Variants in PHTF1 observed in about 807,000 individuals in gnomAD.
PHTF1 encodes protein PHTF1.
PHTF1 carries 88 observed loss-of-function variants against 102.4 expected under a neutral mutation model. That is an observed-to-expected ratio of 0.86 (90% CI 0.72 to 1.03). PHTF1 has a LOEUF of 1.03. PHTF1 is among the 50% of genes least tolerant of loss of function. PHTF1 has a pLI of 0.00. For synonymous variants in PHTF1, 289 were observed against 305.2 expected (o/e 0.95, Z 0.55); for missense variants, 814 against 909.5 (o/e 0.89, Z 1.35).
intron 3 of PHTF1, among the ~76,000 whole-genome samples, chr1:113,751,307 G>A (rs543622370): frequency 1.4e-4 from 22 of 152,166 alleles, no homozygotes; most frequent in African/African-American, 5.1e-4. Flanking sequence ...TAGTAAATTT[G>A]TAGAGTTGTG....
Position 113,704,227 on chromosome 1 carries a change from C to A in PHTF1, c.1804-60G>T, listed in dbSNP as rs1373488406. On this transcript the variant is annotated intron_variant, in intron 14 of 18. Coordinates refer to ENST00000369604, the MANE Select transcript of PHTF1 (RefSeq NM_001323043.2). ...TACTGGCAGACAGCAACCGCCCTCA[C>A]ATTATTAACACTCTGAATTGTACTA... is the stretch of plus-strand genomic sequence containing the variant. The A allele has an allele frequency of 7.7e-6, 7 of 908,274 alleles. No homozygotes were observed. The African/African-American group carries it at 1.2e-4, about 15-fold the overall frequency. The allele number at this position is 908,274 out of a possible 1,614,324, so 56.3% of individuals were successfully genotyped here.
chr1:113,703,511 GT>G (rs528743503), intron 15 of PHTF1, among the ~76,000 whole-genome samples: 1 of 151,708 alleles, frequency 6.6e-6, no homozygotes, highest in Non-Finnish European at 1.5e-5. Flanking sequence ...ATAGTAACAG[GT>G]TTTTTTTGTT....
chr1:113,698,305 G>C lies in PHTF1; in HGVS notation c.2225C>G (p.Ala742Gly). ...AAGATCACTTATAACACCTGAGACAGCAGAAAGGATAACTACTCTTGTGAT... is the reference window on the plus strand; with the variant it reads ...AAGATCACTTATAACACCTGAGACACCAGAAAGGATAACTACTCTTGTGAT... ...YNITRVVILS[A>G]VSGVISDLLG... Residue 742 changes from alanine to glycine, a missense_variant, in exon 18 of 19, where the codon GCT (alanine) becomes GGT (glycine). Physicochemically the swap from Ala to Gly is moderately conservative, Grantham distance 60. Transcript: ENST00000369604. 1 of 1,607,328 alleles carries C rather than the reference G, an allele frequency of 6.2e-7. No individual in the cohort carries two copies. Among genetic ancestry groups the C allele is most frequent in the East Asian group, 2.2e-5 (1 of 44,796 alleles).
At chr1:113,739,353 G>C (rs569524307) in intron 3 of PHTF1, among the ~76,000 whole-genome samples, 2 of 152,236 alleles carry the variant, frequency 1.3e-5, no homozygotes, top group East Asian at 3.9e-4. Context: ...AGTGCCAACA[G>C]ATCAATACGT....
chr1:113,705,528 A>T (rs138397509), intron 13 of PHTF1, among the ~76,000 whole-genome samples: 40 of 152,308 alleles, frequency 2.6e-4, no homozygotes, highest in Non-Finnish European at 4.7e-4. Context: ...AATTTCAATA[A>T]ATTTATTTCT....
At chr1:113,735,211 C>CA (rs1225888827) in intron 5 of PHTF1, among the ~76,000 whole-genome samples, 3 of 151,310 alleles carry the variant, frequency 2.0e-5, no homozygotes, top group Admixed American at 6.6e-5. Flanking sequence ...ACTAAAAATA[C>CA]AAAAATTAGC....
At chr1:113,707,002 G>A (rs181255419) in intron 11 of PHTF1, among the ~76,000 whole-genome samples, 31 of 151,696 alleles carry the variant, frequency 2.0e-4, no homozygotes, top group African/African-American at 6.8e-4. Flanking sequence ...ACCATGGCTC[G>A]CTAGGTCCAT....
intron 8 of PHTF1, 149 bp from the exon 9 acceptor site, chr1:113,712,262 TC>T: frequency 1.6e-6 from 1 of 607,014 alleles, no homozygotes; most frequent in Non-Finnish European, 2.9e-6. Flanking sequence ...TATTACTTAA[TC>T]TCAATTAAGA....
chr1:113,758,633 A>T (rs2101759210), intron 2 of PHTF1, 26 bp downstream of exon 2: 5 of 1,397,196 alleles, frequency 3.6e-6, no homozygotes, highest in Admixed American at 4.2e-5. Flanking sequence ...TGCTTTACAA[A>T]TAAAAAAAAT....
chr1:113,751,494 A>G (rs1363824568), intron 3 of PHTF1, among the ~76,000 whole-genome samples: 1 of 152,206 alleles, frequency 6.6e-6, no homozygotes, highest in Non-Finnish European at 1.5e-5. Context: ...TGTACTTAGC[A>G]TGACATTTTT....
At chr1:113,708,511 T>A (rs1367233841) in intron 11 of PHTF1, among the ~76,000 whole-genome samples, 1 of 152,064 alleles carries the variant, frequency 6.6e-6, no homozygotes, top group Non-Finnish European at 1.5e-5. Flanking sequence ...CAGGCACCTG[T>A]AATCCTAGCT....
At chr1:113,703,137 C>CA (rs1457809085) in intron 15 of PHTF1, among the ~76,000 whole-genome samples, 2 of 152,074 alleles carry the variant, frequency 1.3e-5, no homozygotes, top group Non-Finnish European at 2.9e-5. Context: ...ATAAGCAGAC[C>CA]AAAAAATTCA....
chr1:113,716,486 A>G lies in PHTF1; in HGVS notation c.624-3048T>C, dbSNP rs536233399. On this transcript the variant is annotated intron_variant, in intron 7 of 18. Coordinates refer to ENST00000369604, the MANE Select transcript of PHTF1 (RefSeq NM_001323043.2). ...CAACCTCCAGCATAGCTGGAACCAC[A>G]GGCACAGGTCACCACATCCAGCTGA... 7.5e-4 allele frequency among the ~76,000 whole-genome samples: 113 copies of G among 151,662 alleles called. 1 individual carries two copies. Among genetic ancestry groups the G allele is most frequent in the South Asian group, 1.9e-3 (9 of 4,794 alleles).
In PHTF1 at chr1:113,726,462, A is replaced by G; in HGVS notation, c.444T>C (p.Thr148=). The G allele has an allele frequency of 6.2e-7, 1 of 1,611,602 alleles. No individual in the cohort carries two copies. The highest frequency in any genetic ancestry group is 8.5e-7 in the Non-Finnish European group (1 of 1,178,756). ...MGTVHCQIVS[T]QITRPSGNNG... ...TGTTTCCTGATGGTCTTGTTATCTG[A>G]GTAGACACAATTTGACAGTGGACAG... Residue 148 remains threonine, a synonymous_variant, in exon 6 of 19, where the codon ACT becomes ACC. Coordinates refer to ENST00000369604, the MANE Select transcript of PHTF1 (RefSeq NM_001323043.2).
At chr1:113,701,663 A>G (rs1320789421) in intron 15 of PHTF1, among the ~76,000 whole-genome samples, 2 of 151,674 alleles carry the variant, frequency 1.3e-5, no homozygotes, top group Non-Finnish European at 2.9e-5. Context: ...GCCTTACAAG[A>G]CCTTTGTTTT....
chr1:113,710,145 A>G lies in PHTF1; in HGVS notation c.1269+109T>C, dbSNP rs1326527253. 23 of 773,492 alleles carry G rather than the reference A, an allele frequency of 3.0e-5. No homozygotes were observed. In the South Asian group the frequency reaches 3.4e-4, roughly 11 times the overall value. The allele number at this position is 773,492 out of a possible 1,614,324, so 47.9% of individuals were successfully genotyped here. ...CCTCACCTCTAAACTGGGGATAATA[A>G]TAGTATCTACCCTACAGGATGATTG... is the stretch of plus-strand genomic sequence containing the variant. On this transcript the variant is annotated intron_variant, in intron 11 of 18. Transcript: ENST00000369604.
At chr1:113,756,751 TAA>T (rs2101743452) in intron 3 of PHTF1, among the ~76,000 whole-genome samples, 1 of 152,334 alleles carries the variant, frequency 6.6e-6, no homozygotes, top group Admixed American at 6.5e-5. Flanking sequence ...TCCCCTATTA[TAA>T]GTTAATAAAC....
At chr1:113,752,046 A>G (rs1409513450) in intron 3 of PHTF1, among the ~76,000 whole-genome samples, 1 of 152,252 alleles carries the variant, frequency 6.6e-6, no homozygotes, top group Non-Finnish European at 1.5e-5. Flanking sequence ...ACCAAAAACA[A>G]ACTTCTGCTG....
intron 16 of PHTF1, 105 bp from the exon 17 acceptor site, chr1:113,699,904 T>C (rs1314595601): frequency 2.9e-6 from 2 of 694,648 alleles, no homozygotes; most frequent in Admixed American, 6.4e-5. Context: ...AAAATAAATT[T>C]TGAAATTCCA....
Sources: gnomAD v4.1 joint callset for allele counts (sites outside exome capture counted in the v4.1 genomes callset) on GRCh38, gnomAD v4.1.1 for gene constraint, MANE v1.5 for transcripts, NCBI Gene and HGNC (gene_info 2026-07-23, HGNC 2026-07-21) for gene names.